PVR: variants seen among roughly 807,000 people sequenced by gnomAD.
The protein encoded by PVR is poliovirus receptor.
PVR carries 39 observed loss-of-function variants against 43.3 expected under a neutral mutation model. The ratio of observed to expected loss-of-function variants is 0.90; its 90% CI spans 0.70 to 1.18. The LOEUF (loss-of-function observed/expected upper bound fraction) is 1.18. Among genes scored for constraint, PVR ranks in the 50% most tolerant of loss-of-function variants. The pLI is 0.00. For synonymous variants in PVR, 224 were observed against 233.2 expected, an observed-to-expected ratio of 0.96 and a Z score of 0.36; for missense variants, 480 against 549.7, an observed-to-expected ratio of 0.87 and a Z score of 1.27.
Position 44,656,818 on chromosome 19 carries a change from C to A in PVR, c.843-944C>A, listed in dbSNP as rs73048351. On this transcript the variant is annotated intron_variant, in intron 4 of 7. Coordinates refer to ENST00000425690, the MANE Select transcript of PVR (RefSeq NM_006505.5). ...AACCCCATCTCTACCAAAAAAGATA[C>A]AAAAATTGGCCGGGTGTGGTGGCAT... 6.1e-3 allele frequency among the ~76,000 whole-genome samples: 923 copies of A among 152,030 alleles called. 6 individuals are homozygous for A. The highest frequency in any genetic ancestry group is 1.0e-2 in the Non-Finnish European group (679 of 67,952).
chr19:44,647,076 T>TGCCCCCCCCCCCCCCCC, intron 1 of PVR, 147 bp from the exon 2 acceptor site: 1 of 107,484 alleles, frequency 9.3e-6, no homozygotes, highest in Non-Finnish European at 1.8e-5. Flanking sequence ...AGTGCCCCAG[T>TGCCCCCCCCCCCCCCCC]TCCCCCTCCC....
chr19:44,657,389 T>G (rs1020831540), intron 4 of PVR, among the ~76,000 whole-genome samples: 1 of 152,074 alleles, frequency 6.6e-6, no homozygotes, highest in East Asian at 1.9e-4. Flanking sequence ...AGCTGAGGTA[T>G]GGGAACTGAC....
intron 1 of PVR, 55 bp from the exon 2 acceptor site, chr19:44,647,168 C>T: frequency 1.4e-6 from 2 of 1,386,038 alleles, no homozygotes; most frequent in South Asian, 1.4e-5. Flanking sequence ...GGAGCCCCTC[C>T]CTATCTAGTC....
At chr19:44,646,037 C>T (rs1341675989) in intron 1 of PVR, among the ~76,000 whole-genome samples, 1 of 152,080 alleles carries the variant, frequency 6.6e-6, no homozygotes, top group Non-Finnish European at 1.5e-5. Flanking sequence ...GTGTCAGTTT[C>T]CCTGTCTGTA....
At chr19:44,645,123 AT>A (rs1355846872) in intron 1 of PVR, among the ~76,000 whole-genome samples, 3 of 61,614 alleles carry the variant, frequency 4.9e-5, no homozygotes, top group Middle Eastern at 5.8e-3. Context: ...TATATAATAT[AT>A]TATAATATAT....
rs1330770030 is a variant in PVR, at chr19:44,647,564, G to C, written c.421G>C (p.Val141Leu). 1 of 1,608,492 alleles carries C rather than the reference G, an allele frequency of 6.2e-7. No individual in the cohort carries two copies. The highest frequency in any genetic ancestry group is 8.5e-7 in the Non-Finnish European group (1 of 1,176,534). ...CAGGAGCGTGGATATCTGGCTCCGA[G>C]TGCTTGGTGAGCAGGGGGTTTTGGG... ...GSRSVDIWLR[V>L]LAKPQNTAEV... is the part of the protein sequence containing the mutation. The change falls in exon 2 of 8, where the codon GTG (valine) becomes CTG (leucine). Residue 141 changes from valine (V) to leucine (L), a missense_variant. Val to Leu is a conservative substitution (Grantham distance 32, BLOSUM62 1). Coordinates refer to ENST00000425690, the MANE Select transcript of PVR (RefSeq NM_006505.5).
chr19:44,644,879 C>T (rs577764197), intron 1 of PVR, among the ~76,000 whole-genome samples: 1 of 145,998 alleles, frequency 6.8e-6, no homozygotes, highest in South Asian at 2.1e-4. Context: ...CTATGCCTGG[C>T]TAATATTTTT....
Position 44,643,940 on chromosome 19 carries a change from TA to T in PVR, c.-156del. 1 of 529,144 alleles carries T rather than the reference TA, an allele frequency of 1.9e-6. No homozygotes were observed. The highest frequency in any genetic ancestry group is 3.2e-6 in the Non-Finnish European group (1 of 309,224). The allele number at this position is 529,144 out of a possible 1,614,324, so 32.8% of individuals were successfully genotyped here. The stretch of plus-strand genomic sequence containing the variant: ...CTTGTCTGGAGCTTGAAGAAGTGGG[TA>T]TTCCCCTTCCCACCCCAGGCACTGG... On this transcript the variant is annotated 5_prime_UTR_variant, in exon 1 of 8. Transcript: ENST00000425690.
At chr19:44,647,631 A>T (rs1456879139) in intron 2 of PVR, 61 bp downstream of exon 2, 1 of 1,419,160 alleles carries the variant, frequency 7.0e-7, no homozygotes, top group Non-Finnish European at 9.6e-7. Context: ...AGGATCAGGG[A>T]AGTTGGCAAA....
rs199795482 is a variant in PVR at position 44,661,754 on chromosome 19, A to T, written c.1197A>T (p.Ser399=). 51 of 1,614,040 alleles carry T rather than the reference A, an allele frequency of 3.2e-5. No individual in the cohort carries two copies. In the African/African-American group the frequency reaches 5.6e-4, roughly 18 times the overall value. The change falls in exon 8 of 8, where the codon TCA becomes TCT. Residue 399 remains serine (S), a synonymous_variant. Transcript: ENST00000425690. ...SASANGHVSY[S]AVSRENSSSQ... ...CCCTCTTCTAGCATGTCTCCTATTC[A>T]GCTGTGAGCAGAGAGAACAGCTCTT...
chr19:44,657,645 T>G, intron 4 of PVR, 117 bp from the exon 5 acceptor site: 1 of 1,000,398 alleles, frequency 1.0e-6, no homozygotes, highest in South Asian at 1.5e-5. Flanking sequence ...CCTCCAGAGT[T>G]GCTCTCCGCT....
intron 4 of PVR, among the ~76,000 whole-genome samples, chr19:44,656,051 T>G (rs569690321): frequency 1.3e-5 from 2 of 151,912 alleles, no homozygotes; most frequent in African/African-American, 4.8e-5. Context: ...GCCCCTTTTT[T>G]AGTGTTGCTG....
rs1973697137 is a variant in PVR, at chr19:44,665,651, A to AC, written c.*3840_*3841insC. On this transcript the variant is annotated 3_prime_UTR_variant, in exon 8 of 8. Transcript: ENST00000425690. ...CTCTGTCTCCAAAAAAAAAAAAAAA[A>AC]AAAAAAAAACTGGATTGCCTGGCTC... 6.2e-6 allele frequency: 1 copy of AC among 160,236 alleles called. No individual in the cohort carries two copies. Among genetic ancestry groups the AC allele is most frequent in the African/African-American group, 2.4e-5 (1 of 41,256 alleles). The allele number at this position is 160,236 out of a possible 1,614,324, so 9.9% of individuals were successfully genotyped here. A position where few individuals can be genotyped will look rare whatever the true frequency, so the allele number is the denominator to read the frequency against.
chr19:44,659,976 C>T (rs1231286156), intron 6 of PVR, among the ~76,000 whole-genome samples: 1 of 152,200 alleles, frequency 6.6e-6, no homozygotes, highest in East Asian at 1.9e-4. Flanking sequence ...AACAAAGCTG[C>T]TCCCTTACAA....
intron 6 of PVR, among the ~76,000 whole-genome samples, chr19:44,660,085 G>A (rs1235317943): frequency 6.6e-6 from 1 of 152,144 alleles, no homozygotes; most frequent in Admixed American, 6.5e-5. Context: ...CCCATTCTGG[G>A]TCATCACCGT....
Position 44,654,098 on chromosome 19 carries a change from C to T in PVR, c.842+81C>T, listed in dbSNP as rs1049799975. On this transcript the variant is annotated intron_variant, in intron 4 of 7. Coordinates refer to ENST00000425690, the MANE Select transcript of PVR (RefSeq NM_006505.5). ...GGAGGAGGGGCTGGGGGCCTGGACT[C>T]CTGGGACTGAGGGAGAAGGGGCTGG... 2.4e-5 allele frequency: 29 copies of T among 1,191,640 alleles called. 1 individual carries two copies. In the Admixed American group the frequency reaches 5.3e-4, roughly 22 times the overall value. 73.8% of individuals were successfully genotyped at this position (1,191,640 alleles called of 1,614,324 possible).
intron 6 of PVR, among the ~76,000 whole-genome samples, chr19:44,659,522 G>C (rs902612004): frequency 6.6e-6 from 1 of 151,790 alleles, no homozygotes; most frequent in Non-Finnish European, 1.5e-5. Flanking sequence ...TCTCACTGTC[G>C]CCCAGGCTGG....
rs1468817823 is a variant in PVR, at chr19:44,662,165, A to C, written c.*354A>C. On this transcript the variant is annotated 3_prime_UTR_variant, in exon 8 of 8. Transcript: ENST00000425690. ...CCTCTCCCAGTGGAGCCATATAGGC[A>C]GCACCTGATTCTCACAGCAACATGT... is the stretch of plus-strand genomic sequence containing the variant. The C allele has an allele frequency of 3.8e-6, 1 of 264,250 alleles. No individual in the cohort carries two copies. Among genetic ancestry groups the C allele is most frequent in the Non-Finnish European group, 7.4e-6 (1 of 135,318 alleles). The allele number at this position is 264,250 out of a possible 1,614,324, so 16.4% of individuals were successfully genotyped here.
At chr19:44,661,154 C>T (rs1460202733) in intron 6 of PVR, 138 bp from the exon 7 acceptor site, 14 of 748,880 alleles carry the variant, frequency 1.9e-5, no homozygotes, top group Non-Finnish European at 3.1e-5. Flanking sequence ...CACGTGTATA[C>T]CATTAAGGGA....
Sources: gnomAD v4.1 joint callset for allele counts (sites outside exome capture counted in the v4.1 genomes callset) on GRCh38, gnomAD v4.1.1 for gene constraint, MANE v1.5 for transcripts, NCBI Gene and HGNC (gene_info 2026-07-23, HGNC 2026-07-21) for gene names.